The following LMO3 variants were observed in gnomAD, a reference collection of about 807,000 sequenced individuals.
LMO3 encodes the protein LIM domain only 3, also known as LIM domain only protein 3.
A neutral mutation model predicts 15.8 loss-of-function variants in LMO3; 2 were observed. The ratio of observed to expected loss-of-function variants is 0.13; its 90% CI spans 0.05 to 0.40. The LOEUF is 0.40. LMO3 is among the 10% of genes least tolerant of loss of function. The probability of loss-of-function intolerance (pLI) is 0.99; values close to 1 mark genes in which losing one functional copy is unlikely to be tolerated. For synonymous variants in LMO3, 62 were observed against 63.8 expected, an observed-to-expected ratio of 0.97 and a Z score of 0.13; for missense variants, 86 against 182.2, an observed-to-expected ratio of 0.47 and a Z score of 3.04.
chr12:16,551,386 T>G, intron 3 of LMO3, 59 bp from the exon 4 acceptor site: 3 of 1,035,140 alleles, frequency 2.9e-6, no homozygotes, highest in Admixed American at 3.6e-5. Flanking sequence ...ATCTAGAAAT[T>G]TGAAGATTTA....
rs890558872 is a variant in LMO3 at position 16,597,639 on chromosome 12, A to G, written c.206+3016T>C. On this transcript the variant is annotated intron_variant, in intron 2 of 3. Transcript: ENST00000537304. The surrounding 1 kb of genome is among the most constrained non-coding windows in gnomAD (Gnocchi z 5.0). Reference sequence around the variant, plus strand: ...AATATATGTGGACAGGCAAATTACTATTTTATTACTTTCCTTATTCTTACT... The same window carrying G: ...AATATATGTGGACAGGCAAATTACTGTTTTATTACTTTCCTTATTCTTACT... 1 of 151,960 alleles carries G rather than the reference A, an allele frequency of 6.6e-6. No individual in the cohort carries two copies. Among genetic ancestry groups the G allele is most frequent in the Non-Finnish European group, 1.5e-5 (1 of 67,862 alleles). 9.4% of individuals were successfully genotyped at this position (151,960 alleles called of 1,614,324 possible).
At chr12:16,570,156 GTCTAT>G (rs1189006661) in intron 2 of LMO3, among the ~76,000 whole-genome samples, 9 of 152,244 alleles carry the variant, frequency 5.9e-5, no homozygotes, top group Middle Eastern at 3.4e-3. Context: ...TTTTGTGATA[GTCTAT>G]TCTATAATGA....
In LMO3 at chr12:16,593,951, T is replaced by C. The variant is rs1472137321; in HGVS notation, c.206+6704A>G. Among the ~76,000 whole-genome samples, 2 of 151,742 alleles carry C rather than the reference T, an allele frequency of 1.3e-5. No homozygotes were observed. Among genetic ancestry groups the C allele is most frequent in the Non-Finnish European group, 3.0e-5 (2 of 67,730 alleles). On this transcript the variant is annotated intron_variant, in intron 2 of 3. Transcript: ENST00000537304. This position sits in a 1 kb window ranked among gnomAD's most constrained non-coding sequence, Gnocchi z 4.2. ...AGGCAGTATCAAACTCCCTCGGAGC[T>C]AAGAAAAACAGAATTAGATATTTAA...
In LMO3 at chr12:16,555,849, A is replaced by G. The variant is rs547059158; in HGVS notation, c.333-4522T>C. On this transcript the variant is annotated intron_variant, in intron 3 of 3. Coordinates refer to ENST00000537304, the MANE Select transcript of LMO3 (RefSeq NM_018640.5). This position sits in a 1 kb window ranked among gnomAD's most constrained non-coding sequence, Gnocchi z 5.5. ...TCCCTCATCTTCCCCAACCCCGAGC[A>G]GACACACTTCCTGTAAGTCAACCAG... 1.2e-4 allele frequency among the ~76,000 whole-genome samples: 19 copies of G among 152,278 alleles called. No individual in the cohort carries two copies. In the South Asian group the frequency reaches 3.5e-3, roughly 28 times the overall value.
At chr12:16,573,548 G>T (rs1449614625) in intron 2 of LMO3, 1 of 152,320 alleles carries the variant, frequency 6.6e-6, no homozygotes, top group Non-Finnish European at 1.5e-5. Context: ...AGGCGATAAG[G>T]GGGGCAGTTA....
upstream of LMO3, chr12:16,606,313 C>T (rs1944000438): frequency 6.5e-6 from 1 of 154,094 alleles, no homozygotes; most frequent in Non-Finnish European, 1.4e-5. Flanking sequence ...GGCTGTCTCT[C>T]TCCGTCCTGG....
In LMO3 at chr12:16,593,802, C is replaced by T. The variant is rs1257465865; in HGVS notation, c.206+6853G>A. Among the ~76,000 whole-genome samples, 2 of 151,764 alleles carry T rather than the reference C, an allele frequency of 1.3e-5. No individual in the cohort carries two copies. The highest frequency in any genetic ancestry group is 6.6e-5 in the Admixed American group (1 of 15,220). ...GTTAGAAATGAAAAGCTAAATGCCA[C>T]ATTTCTTGCTTCACAGTATAAACTT... On this transcript the variant is annotated intron_variant, in intron 2 of 3. Coordinates refer to ENST00000537304, the MANE Select transcript of LMO3 (RefSeq NM_018640.5). The surrounding 1 kb of genome is among the most constrained non-coding windows in gnomAD (Gnocchi z 4.2).
rs1217259037 is a variant in LMO3 at position 16,586,307 on chromosome 12, A to G, written c.206+14348T>C. ...GTGTTAAGATGTCATGATACGATGA[A>G]GTCCACATACGGAACAACTAAGAAA... is the stretch of plus-strand genomic sequence containing the variant. On this transcript the variant is annotated intron_variant, in intron 2 of 3. Transcript: ENST00000537304. This position sits in a 1 kb window ranked among gnomAD's most constrained non-coding sequence, Gnocchi z 4.3. 6.6e-6 allele frequency among the ~76,000 whole-genome samples: 1 copy of G among 152,202 alleles called. No homozygotes were observed. Among genetic ancestry groups the G allele is most frequent in the East Asian group, 1.9e-4 (1 of 5,202 alleles).
At chr12:16,566,308 G>C (rs1942607991) in intron 2 of LMO3, among the ~76,000 whole-genome samples, 1 of 151,710 alleles carries the variant, frequency 6.6e-6, no homozygotes, top group South Asian at 2.1e-4. Flanking sequence ...ACAGTTAAGA[G>C]AAATAAGTTC....
chr12:16,571,659 G>A (rs1942815918), intron 2 of LMO3, among the ~76,000 whole-genome samples: 1 of 151,866 alleles, frequency 6.6e-6, no homozygotes, highest in Non-Finnish European at 1.5e-5. Context: ...AGAACTCAAA[G>A]GTTTCACAAT....
intron 2 of LMO3, among the ~76,000 whole-genome samples, chr12:16,566,020 ATATATATATATATATATAT>A (rs1942592744): frequency 2.0e-5 from 2 of 99,754 alleles, no homozygotes; most frequent in Non-Finnish European, 3.9e-5. Context: ...ATATATATAT[ATATATATATATATATATAT>A]AAAATGGAGT....
intron 2 of LMO3, chr12:16,573,971 T>G (rs1012409618): frequency 6.6e-6 from 1 of 152,208 alleles, no homozygotes; most frequent in Non-Finnish European, 1.5e-5. Flanking sequence ...ATTACGGAAC[T>G]GGAGTCCGTG....
chr12:16,605,007 C>A, intron 1 of LMO3: 1 of 1,587,312 alleles, frequency 6.3e-7, no homozygotes. Context: ...GCGCAGCCTA[C>A]ACCGCCGAGG....
At chr12:16,605,108 A>G (rs1943944816) in intron 1 of LMO3, 1 of 1,436,588 alleles carries the variant, frequency 7.0e-7, no homozygotes, top group Non-Finnish European at 9.1e-7. Context: ...GACAGGGCGC[A>G]CACACGGAGC....
intron 2 of LMO3, among the ~76,000 whole-genome samples, chr12:16,578,799 CAG>C (rs1943070700): frequency 6.6e-6 from 1 of 150,924 alleles, no homozygotes. Flanking sequence ...GCCTGGGAGA[CAG>C]AGCGAGATTC....
intron 2 of LMO3, among the ~76,000 whole-genome samples, chr12:16,578,804 C>A (rs550473077): frequency 1.3e-5 from 2 of 149,406 alleles, no homozygotes; most frequent in Admixed American, 6.8e-5. Context: ...GGAGACAGAG[C>A]GAGATTCTGT....
At chr12:16,578,539 C>T (rs112753832) in intron 2 of LMO3, among the ~76,000 whole-genome samples, 426 of 152,132 alleles carry the variant, frequency 2.8e-3, no homozygotes, top group Middle Eastern at 0.01. Context: ...CACATTAGGC[C>T]GGGCGCCGTG....
At chr12:16,581,566 A>G (rs902262160) in intron 2 of LMO3, among the ~76,000 whole-genome samples, 5 of 152,200 alleles carry the variant, frequency 3.3e-5, no homozygotes, top group African/African-American at 1.2e-4. Flanking sequence ...TCCTCAAGAA[A>G]TATTTGCCAT....
chr12:16,585,394 A>C lies in LMO3; in HGVS notation c.206+15261T>G, dbSNP rs1049786644. On this transcript the variant is annotated intron_variant, in intron 2 of 3. Coordinates refer to ENST00000537304, the MANE Select transcript of LMO3 (RefSeq NM_018640.5). The surrounding 1 kb of genome is among the most constrained non-coding windows in gnomAD (Gnocchi z 4.7). ...AACAATCACTTGGCCACAAAGATTA[A>C]TATTAACCTATATTAAAGGTTATTT... 2.0e-5 allele frequency among the ~76,000 whole-genome samples: 3 copies of C among 152,232 alleles called. No individual in the cohort carries two copies. Among genetic ancestry groups the C allele is most frequent in the Admixed American group, 2.0e-4 (3 of 15,280 alleles).
Sources: allele counts gnomAD v4.1 joint callset (sites outside exome capture counted in the v4.1 genomes callset), GRCh38; gene constraint gnomAD v4.1.1; non-coding constraint Gnocchi (gnomAD v3.1); transcripts MANE v1.5; gene names NCBI Gene and HGNC (gene_info 2026-07-23, HGNC 2026-07-21).